The following TPH2 variants were observed in gnomAD, a reference collection of about 807,000 sequenced individuals.
The protein encoded by TPH2 is tryptophan 5-hydroxylase 2.
In TPH2, 27 loss-of-function variants were observed where a neutral mutation model predicts 59.1. That is an observed-to-expected ratio of 0.46 (90% CI 0.34 to 0.63). TPH2 has a LOEUF of 0.63. Among genes scored for constraint, TPH2 ranks in the 30% least tolerant of loss-of-function variants. TPH2 has a pLI of 0.01. For synonymous variants in TPH2, 220 were observed against 210.5 expected, an observed-to-expected ratio of 1.05 and a Z score of -0.39; for missense variants, 523 against 588.3, an observed-to-expected ratio of 0.89 and a Z score of 1.15.
chr12:72,022,636 G>C (rs1349846452), intron 9 of TPH2, 142 bp downstream of exon 9: 8 of 756,674 alleles, frequency 1.1e-5, no homozygotes. Context: ...TCGGATGTGG[G>C]TGCCGACCTC....
intron 8 of TPH2, among the ~76,000 whole-genome samples, chr12:72,002,874 T>C (rs1872862217): frequency 6.6e-6 from 1 of 152,112 alleles, no homozygotes. Flanking sequence ...TTTGCATTGA[T>C]TGGGGCTTTT....
intron 7 of TPH2, among the ~76,000 whole-genome samples, chr12:71,987,582 C>T (rs1164050752): frequency 3.3e-5 from 5 of 152,196 alleles, no homozygotes; most frequent in Non-Finnish European, 5.9e-5. Context: ...GGTGCGGTGG[C>T]TCACGCCTGT....
intron 7 of TPH2, among the ~76,000 whole-genome samples, chr12:71,979,341 G>A (rs953488079): frequency 1.3e-5 from 2 of 152,132 alleles, no homozygotes; most frequent in Admixed American, 6.5e-5. Flanking sequence ...TGCTTGGCCA[G>A]ATCTCCATTT....
chr12:71,943,849 G>A (rs1041759315), intron 2 of TPH2, among the ~76,000 whole-genome samples: 4 of 151,702 alleles, frequency 2.6e-5, no homozygotes, highest in African/African-American at 9.7e-5. Context: ...TTTCTGAAAG[G>A]TTATTTTAAA....
intron 7 of TPH2, among the ~76,000 whole-genome samples, chr12:71,992,160 C>T (rs1390850637): frequency 6.6e-6 from 1 of 152,194 alleles, no homozygotes; most frequent in Non-Finnish European, 1.5e-5. Context: ...GCTAGCTTGG[C>T]TAAACTCTCT....
chr12:72,022,039 A>C (rs1477244762), intron 8 of TPH2, among the ~76,000 whole-genome samples: 1 of 152,210 alleles, frequency 6.6e-6, no homozygotes, highest in African/African-American at 2.4e-5. Context: ...TCACTGAAAC[A>C]AAATTTGGTA....
intron 5 of TPH2, among the ~76,000 whole-genome samples, chr12:71,957,707 T>A (rs1159424616): frequency 6.6e-6 from 1 of 152,156 alleles, no homozygotes; most frequent in African/African-American, 2.4e-5. Flanking sequence ...AAGGAACTTT[T>A]AAAAAATAGG....
At chr12:71,961,705 A>ATAG in intron 5 of TPH2, 3 of 1,349,400 alleles carry the variant, frequency 2.2e-6, no homozygotes, top group Non-Finnish European at 2.0e-6. Flanking sequence ...TAATTTCATG[A>ATAG]TAGTTTTTGC....
intron 5 of TPH2, among the ~76,000 whole-genome samples, chr12:71,969,652 A>T (rs1871918079): frequency 6.6e-6 from 1 of 152,164 alleles, no homozygotes; most frequent in African/African-American, 2.4e-5. Context: ...TGTATATGAG[A>T]TTTTCTACAT....
chr12:72,021,356 AGT>A (rs57532900), intron 8 of TPH2, among the ~76,000 whole-genome samples: 6,139 of 143,234 alleles, frequency 0.043, 247 homozygotes, highest in African/African-American at 0.12. Flanking sequence ...GGGCCAATAA[AGT>A]GTGTGTGTGT....
intron 8 of TPH2, among the ~76,000 whole-genome samples, chr12:71,998,356 A>G (rs1275412397): frequency 2.0e-5 from 3 of 152,194 alleles, no homozygotes; most frequent in Non-Finnish European, 4.4e-5. Context: ...TGTGGAGAGT[A>G]TGGAGGAGGA....
rs1871752346 is a variant in TPH2, at chr12:71,964,203, CTT to C, written c.609-8315_609-8314del. 6.0e-5 allele frequency: 3 copies of C among 50,030 alleles called. 1 individual carries two copies. The highest frequency in any genetic ancestry group is 6.2e-4 in the South Asian group (1 of 1,608). The allele number at this position is 50,030 out of a possible 1,614,324, so 3.1% of individuals were successfully genotyped here. A position where few individuals can be genotyped will look rare whatever the true frequency, so the allele number is the denominator to read the frequency against. On this transcript the variant is annotated intron_variant, in intron 5 of 10. Transcript: ENST00000333850. ...ATAATATTCTGGGCATATATATACA[CTT>C]ATATATATTAGTATATATATGCTTA...
At position 72,032,076 on chromosome 12, in the gene TPH2, A is replaced by G. The variant is rs747799485; in HGVS notation, c.*381A>G. On this transcript the variant is annotated 3_prime_UTR_variant, in exon 11 of 11. Transcript: ENST00000333850. ...GTGTTCATTAGATAAAATGAAAAAA[A>G]GCAGTGAAGCTGTTTCCATTTTCAA... The G allele has an allele frequency of 2.2e-5, 5 of 230,912 alleles. No homozygotes were observed. Among genetic ancestry groups the G allele is most frequent in the Non-Finnish European group, 4.4e-5 (5 of 114,878 alleles). The allele number at this position is 230,912 out of a possible 1,614,324, so 14.3% of individuals were successfully genotyped here.
chr12:72,007,832 T>C (rs1383619172), intron 8 of TPH2, among the ~76,000 whole-genome samples: 5 of 152,058 alleles, frequency 3.3e-5, no homozygotes, highest in Non-Finnish European at 5.9e-5. Flanking sequence ...AACGGTATAA[T>C]AGGCAAGGTA....
rs895046199 is a variant in TPH2, at chr12:71,958,182, G to A, written c.608+8527G>A. On this transcript the variant is annotated intron_variant, in intron 5 of 10. Coordinates refer to ENST00000333850, the MANE Select transcript of TPH2 (RefSeq NM_173353.4). Reference sequence around the variant, plus strand: ...CTTAAAATTCCTCTGAAATGGAGCAGTAAATTGAAGAGCAGAACTGAAGCA... The same window carrying A: ...CTTAAAATTCCTCTGAAATGGAGCAATAAATTGAAGAGCAGAACTGAAGCA... Among the ~76,000 whole-genome samples, 3 of 152,292 alleles carry A rather than the reference G, an allele frequency of 2.0e-5. No individual in the cohort carries two copies. In the East Asian group the frequency reaches 5.8e-4, roughly 29 times the overall value.
chr12:71,984,687 CT>C (rs769458622), intron 7 of TPH2, among the ~76,000 whole-genome samples: 1 of 152,216 alleles, frequency 6.6e-6, no homozygotes, highest in Non-Finnish European at 1.5e-5. Context: ...GCTCATCCAC[CT>C]GGCTTCCTCC....
chr12:72,028,739 G>T (rs932363646), intron 9 of TPH2, among the ~76,000 whole-genome samples: 6 of 152,328 alleles, frequency 3.9e-5, no homozygotes, highest in Middle Eastern at 3.4e-3. Context: ...TGGGTGGAAA[G>T]GTCTCCAGCA....
At chr12:72,003,448 A>G (rs768271597) in intron 8 of TPH2, among the ~76,000 whole-genome samples, 3 of 152,210 alleles carry the variant, frequency 2.0e-5, no homozygotes, top group Non-Finnish European at 4.4e-5. Flanking sequence ...TCTGCTGTAC[A>G]TATAGAAGAG....
intron 6 of TPH2, among the ~76,000 whole-genome samples, chr12:71,976,366 A>G (rs1414341508): frequency 6.6e-6 from 1 of 152,216 alleles, no homozygotes; most frequent in African/African-American, 2.4e-5. Flanking sequence ...AGTATGATGT[A>G]AGTATAGGTG....
Sources: gnomAD v4.1 joint callset for allele counts (sites outside exome capture counted in the v4.1 genomes callset) on GRCh38, gnomAD v4.1.1 for gene constraint, MANE v1.5 for transcripts, NCBI Gene and HGNC (gene_info 2026-07-23, HGNC 2026-07-21) for gene names.